The following TCF3 variants were observed in gnomAD, a reference collection of about 807,000 sequenced individuals.
TCF3 encodes transcription factor 3.
In TCF3, 54 loss-of-function variants were observed where a neutral mutation model predicts 72.3. That is an observed-to-expected ratio of 0.75 (90% CI 0.60 to 0.94). The LOEUF (loss-of-function observed/expected upper bound fraction) is 0.94, where lower values mean the gene tolerates loss of function less well. TCF3 is among the 40% of genes least tolerant of loss of function. TCF3 has a pLI of 0.00. For synonymous variants in TCF3, 525 were observed against 412.6 expected, an observed-to-expected ratio of 1.27 and a Z score of -3.30; for missense variants, 1,078 against 934.4, an observed-to-expected ratio of 1.15 and a Z score of -2.00.
intron 5 of TCF3, among the ~76,000 whole-genome samples, chr19:1,629,966 C>T (rs1035390604): frequency 4.6e-5 from 7 of 152,118 alleles, no homozygotes; most frequent in Non-Finnish European, 8.8e-5. Flanking sequence ...CCCGGCTCCT[C>T]GGGTGAGAAA....
At chr19:1,619,758 G>GAAGGGTGGGC (rs2061956717) in intron 14 of TCF3, 22 bp downstream of exon 14, 1 of 1,541,716 alleles carries the variant, frequency 6.5e-7, no homozygotes, top group African/African-American at 1.4e-5. Context: ...GAAGGGTGGG[G>GAAGGGTGGGC]TGGGGCGGGG....
rs763476552 is a variant in TCF3, at chr19:1,622,058, C to T, written c.818G>A (p.Arg273His). The T allele has an allele frequency of 1.6e-5, 24 of 1,540,308 alleles. 1 individual carries two copies. The East Asian group carries it at 3.8e-4, about 24-fold the overall frequency. Residue 273 changes from arginine to histidine, a missense_variant, in exon 10 of 19, where the codon CGT becomes CAT. Arg to His is a conservative substitution (Grantham distance 29). Coordinates refer to ENST00000262965, the MANE Select transcript of TCF3 (RefSeq NM_003200.5). ...STFGGLHQHE[R>H]MGYQLHGAEV... ...GCCCCCTGCCCTGGGTCCTACCATA[C>T]GCTCGTGCTGGTGCAGGCCACCAAA...
chr19:1,639,324 A>G (rs999751432), intron 3 of TCF3, among the ~76,000 whole-genome samples: 1 of 152,216 alleles, frequency 6.6e-6, no homozygotes, highest in Non-Finnish European at 1.5e-5. Flanking sequence ...GATTACAGGC[A>G]TGAGCCACCA....
At chr19:1,618,401 C>G (rs959464196) in intron 16 of TCF3, among the ~76,000 whole-genome samples, 8 of 152,136 alleles carry the variant, frequency 5.3e-5, no homozygotes, top group Admixed American at 3.3e-4. Context: ...GCACCTGGGT[C>G]AGGTCCCATC....
intron 2 of TCF3, 31 bp downstream of exon 2, chr19:1,650,146 T>C (rs1460422076): frequency 6.5e-7 from 1 of 1,538,356 alleles, no homozygotes; most frequent in East Asian, 2.4e-5. Context: ...GGCAAAGGGG[T>C]GTCGGGGGCT....
rs111738722 is a variant in TCF3 at position 1,619,758 on chromosome 19, G to A, written c.1167+22C>T. The A allele has an allele frequency of 3.9e-6, 6 of 1,541,778 alleles. No individual in the cohort carries two copies. In the Admixed American group the frequency reaches 5.9e-5, roughly 15 times the overall value. ...GCAAATTCTGTCGGGGAAGGGTGGG[G>A]TGGGGCGGGGCAGGCACTCACCAGG... On this transcript the variant is annotated intron_variant, in intron 14 of 18. Transcript: ENST00000262965.
At chr19:1,641,297 G>A (rs72620504) in intron 3 of TCF3, among the ~76,000 whole-genome samples, 7,470 of 152,032 alleles carry the variant, frequency 0.049, 561 homozygotes, top group East Asian at 0.4. Context: ...GCAAACTATA[G>A]GATTCCATTT....
intron 11 of TCF3, 31 bp downstream of exon 11, chr19:1,621,807 G>T: frequency 6.4e-7 from 1 of 1,556,244 alleles, no homozygotes. Flanking sequence ...GTGTCCCCTC[G>T]GAGAGGCCGC....
intron 3 of TCF3, among the ~76,000 whole-genome samples, chr19:1,644,484 C>T (rs2065786641): frequency 6.6e-6 from 1 of 152,196 alleles, no homozygotes; most frequent in Non-Finnish European, 1.5e-5. Context: ...ATGCAACATA[C>T]TGGGCCTCAC....
chr19:1,630,352 G>T (rs1427198844), intron 5 of TCF3, among the ~76,000 whole-genome samples: 3 of 152,174 alleles, frequency 2.0e-5, no homozygotes, highest in African/African-American at 7.2e-5. Context: ...AGACCTTCAC[G>T]CTATTCGCTT....
Position 1,615,779 on chromosome 19 carries a change from T to C in TCF3, c.1493A>G (p.Lys498Arg), listed in dbSNP as rs939953181. ...CTCCTCGTCCTCCTTCTCCTCCCGC[T>C]TGATCTCGCTGGCGGCCGCCGTGGC... ...AGATAAASEI[K>R]REEKEDEENT... is the part of the protein sequence containing the mutation. The change falls in exon 17 of 19, where the codon AAG becomes AGG. Residue 498 changes from lysine (K) to arginine (R), a missense_variant. Lys to Arg is a conservative substitution (Grantham distance 26). Transcript: ENST00000262965. The surrounding 1 kb of genome is among the most constrained non-coding windows in gnomAD (Gnocchi z 7.3). 2 of 1,590,498 alleles carry C rather than the reference T, an allele frequency of 1.3e-6. No individual in the cohort carries two copies. The highest frequency in any genetic ancestry group is 1.3e-5 in the African/African-American group (1 of 74,648).
chr19:1,650,306 G>C lies in TCF3; in HGVS notation c.-39-19C>G. 1 of 1,487,548 alleles carries C rather than the reference G, an allele frequency of 6.7e-7. No homozygotes were observed. Among genetic ancestry groups the C allele is most frequent in the South Asian group, 1.2e-5 (1 of 82,744 alleles). The allele number at this position is 1,487,548 out of a possible 1,614,324, so 92.1% of individuals were successfully genotyped here. On this transcript the variant is annotated intron_variant, in intron 1 of 18. Transcript: ENST00000262965. Reference sequence around the variant, plus strand: ...GGAAACCCTGCTTGGTGGATGTGGGGACAGATGGACAGGGAGAAACAGGGA... The same window carrying C: ...GGAAACCCTGCTTGGTGGATGTGGGCACAGATGGACAGGGAGAAACAGGGA...
rs769083653 is a variant in TCF3 at position 1,623,958 on chromosome 19, G to C, written c.542C>G (p.Pro181Arg). Residue 181 changes from proline (P) to arginine (R), a missense_variant, in exon 8 of 19, where the codon CCA becomes CGA. Physicochemically the swap from Pro to Arg is moderately radical, Grantham distance 103. Coordinates refer to ENST00000262965, the MANE Select transcript of TCF3 (RefSeq NM_003200.5). Reference sequence around the variant, plus strand: ...CTCCCTCGTGCGACTCACCGAGGATGGAAGACCCGGCGGGACCTTCCGGAC... The same window carrying C: ...CTCCCTCGTGCGACTCACCGAGGATCGAAGACCCGGCGGGACCTTCCGGAC... ...KKVRKVPPGL[P>R]SSVYPPSSGE... is the part of the protein sequence containing the mutation. 38 of 1,613,528 alleles carry C rather than the reference G, an allele frequency of 2.4e-5. No homozygotes were observed. The highest frequency in any genetic ancestry group is 3.1e-5 in the Non-Finnish European group (36 of 1,179,952).
chr19:1,635,989 C>T (rs1233057924), intron 3 of TCF3, among the ~76,000 whole-genome samples: 7 of 152,248 alleles, frequency 4.6e-5, no homozygotes, highest in African/African-American at 7.2e-5. Context: ...TAATTAAAAT[C>T]GTGAAGGACC....
chr19:1,625,760 G>C (rs753516763), intron 6 of TCF3, 52 bp from the exon 7 acceptor site: 3 of 1,442,830 alleles, frequency 2.1e-6, no homozygotes, highest in South Asian at 1.4e-5. Flanking sequence ...CAGACCCCAG[G>C]CTGTTCCATT....
intron 13 of TCF3, 115 bp downstream of exon 13, chr19:1,620,853 T>G: frequency 9.2e-7 from 1 of 1,087,692 alleles, no homozygotes; most frequent in Non-Finnish European, 1.2e-6. Flanking sequence ...CCCAGCAAGG[T>G]GCAGACACCA....
intron 3 of TCF3, among the ~76,000 whole-genome samples, chr19:1,643,428 C>G (rs1208579410): frequency 1.3e-5 from 2 of 152,282 alleles, no homozygotes; most frequent in Middle Eastern, 3.4e-3. Context: ...GCTGTGTTAC[C>G]CAGGCTGGTC....
At chr19:1,649,258 G>C (rs145224838) in intron 2 of TCF3, among the ~76,000 whole-genome samples, 5 of 152,164 alleles carry the variant, frequency 3.3e-5, no homozygotes, top group African/African-American at 4.8e-5. Flanking sequence ...GCCCAAGCTC[G>C]GCTTCTGGCA....
At chr19:1,626,502 T>TG (rs1052735975) in intron 6 of TCF3, among the ~76,000 whole-genome samples, 2 of 149,894 alleles carry the variant, frequency 1.3e-5, no homozygotes, top group Non-Finnish European at 3.0e-5. Context: ...CCCCACGGGG[T>TG]GGCCCAGCGC....
Sources: allele counts gnomAD v4.1 joint callset (sites outside exome capture counted in the v4.1 genomes callset), GRCh38; gene constraint gnomAD v4.1.1; non-coding constraint Gnocchi (gnomAD v3.1); transcripts MANE v1.5; gene names NCBI Gene and HGNC (gene_info 2026-07-23, HGNC 2026-07-21).